OCM: variants seen among roughly 807,000 people sequenced by gnomAD.
OCM encodes the protein oncomodulin-1.
Under a neutral mutation model 14.1 loss-of-function variants are expected in OCM, and 18 were observed. The observed-to-expected ratio is 1.28, with a 90% CI of 0.88 to 1.89. OCM has a LOEUF of 1.89. OCM is among the 40% of genes most tolerant of loss of function. The pLI is 0.00. For synonymous variants in OCM, 48 were observed against 51.0 expected, an observed-to-expected ratio of 0.94 and a Z score of 0.25; for missense variants, 140 against 137.6, an observed-to-expected ratio of 1.02 and a Z score of -0.09.
upstream of OCM, among the ~76,000 whole-genome samples, chr7:5,876,500 G>A (rs192567279): frequency 1.8e-3 from 274 of 152,258 alleles, 1 homozygote; most frequent in African/African-American, 5.4e-3. Context: ...GTTGGGAATC[G>A]TATTTTCAAC....
At chr7:5,876,717 A>T (rs1781102833), upstream of OCM, among the ~76,000 whole-genome samples, 1 of 152,014 alleles carries the variant, frequency 6.6e-6, no homozygotes, top group South Asian at 2.1e-4. Flanking sequence ...CTGGTAGGAG[A>T]ATATATTTGG....
chr7:5,867,151 T>TA, the OCM span, among the ~76,000 whole-genome samples: 35 of 152,158 alleles, frequency 2.3e-4, no homozygotes, highest in Non-Finnish European at 4.7e-4. Context: ...TGCAGTTCTT[T>TA]AAAAAAAATT....
At chr7:5,882,715 T>C in intron 2 of OCM, 90 bp downstream of exon 2, 2 of 1,471,680 alleles carry the variant, frequency 1.4e-6, no homozygotes, top group East Asian at 4.6e-5. Flanking sequence ...ATTTCTTCAA[T>C]GGCCAGCCTT....
At chr7:5,860,817 CAT>C in the OCM span, among the ~76,000 whole-genome samples, 360 of 146,034 alleles carry the variant, frequency 2.5e-3, 15 homozygotes, top group African/African-American at 8.5e-3. Flanking sequence ...TACACACATA[CAT>C]ATATATACAC....
At chr7:5,883,696 C>CAAAG (rs386409435) in intron 2 of OCM, among the ~76,000 whole-genome samples, 194 bp from the exon 3 acceptor site, 1 of 151,332 alleles carries the variant, frequency 6.6e-6, no homozygotes, top group African/African-American at 2.4e-5. Flanking sequence ...CAAAAACAAA[C>CAAAG]AAACAAACAA....
chr7:5,861,705 A>G, the OCM span, among the ~76,000 whole-genome samples: 7 of 152,000 alleles, frequency 4.6e-5, no homozygotes, highest in Non-Finnish European at 8.8e-5. Context: ...ATTAATGTGT[A>G]TTGGCATCTC....
intron 2 of OCM, among the ~76,000 whole-genome samples, chr7:5,883,341 A>T (rs1197898660): frequency 6.6e-6 from 1 of 151,866 alleles, no homozygotes; most frequent in African/African-American, 2.4e-5. Context: ...ACAGAGAGAG[A>T]CTCTGTCTCA....
chr7:5,871,669 C>G, the OCM span: 1 of 152,150 alleles, frequency 6.6e-6, no homozygotes, highest in African/African-American at 2.4e-5. Flanking sequence ...AGCCTGCACA[C>G]TTGATTGCAT....
intron 1 of OCM, 68 bp downstream of exon 1, chr7:5,881,018 A>G (rs1781204570): frequency 6.5e-7 from 1 of 1,528,060 alleles, no homozygotes; most frequent in Non-Finnish European, 9.1e-7. Flanking sequence ...TCAACACAAA[A>G]TCAAAATGTA....
the OCM span, among the ~76,000 whole-genome samples, chr7:5,863,749 G>C: frequency 6.6e-6 from 1 of 151,978 alleles, no homozygotes; most frequent in Non-Finnish European, 1.5e-5. Context: ...GGCCATGCTG[G>C]TCTCAAACTC....
the OCM span, among the ~76,000 whole-genome samples, chr7:5,869,863 T>C: frequency 6.3e-4 from 96 of 152,178 alleles, no homozygotes; most frequent in African/African-American, 2.3e-3. Flanking sequence ...ATACCCTTGC[T>C]CCCGCCCCTG....
the OCM span, among the ~76,000 whole-genome samples, chr7:5,869,817 A>C: frequency 6.6e-6 from 1 of 152,022 alleles, no homozygotes; most frequent in African/African-American, 2.4e-5. Flanking sequence ...GGAAGCACTC[A>C]ACTTGCCGGG....
At chr7:5,873,312 G>C in the OCM span, among the ~76,000 whole-genome samples, 1 of 152,198 alleles carries the variant, frequency 6.6e-6, no homozygotes, top group Non-Finnish European at 1.5e-5. Flanking sequence ...GGGAGGTAGA[G>C]GTCGCAGTGA....
the OCM span, among the ~76,000 whole-genome samples, chr7:5,871,368 AAAATT>A: frequency 7.3e-5 from 11 of 151,608 alleles, no homozygotes; most frequent in Non-Finnish European, 1.3e-4. Context: ...AAAAAAAAAA[AAAATT>A]AAAGAGGTAG....
the OCM span, among the ~76,000 whole-genome samples, chr7:5,860,451 ATG>A: frequency 1.5e-5 from 2 of 137,504 alleles, no homozygotes; most frequent in Admixed American, 7.4e-5. Context: ...ATATACGTGT[ATG>A]TATATTATTA....
rs865871307 is a variant in OCM, at chr7:5,882,860, T to G, written c.194+235T>G. On this transcript the variant is annotated intron_variant, in intron 2 of 3. Coordinates refer to ENST00000242104, the MANE Select transcript of OCM (RefSeq NM_001097622.2). ...AGATTCTTTTTTTTTTTTTTTTTTT[T>G]GAGACAGGGCCTCACTCTGTTGCCC... is the stretch of plus-strand genomic sequence containing the variant. Among the ~76,000 whole-genome samples, 644 of 94,838 alleles carry G rather than the reference T, an allele frequency of 6.8e-3. 8 individuals carry two copies. Among genetic ancestry groups the G allele is most frequent in the African/African-American group, 0.025 (617 of 25,016 alleles). 62.2% of individuals were successfully genotyped at this position (94,838 alleles called of 152,430 possible). A position where few individuals can be genotyped will look rare whatever the true frequency, so the allele number is the denominator to read the frequency against.
chr7:5,875,293 G>A (rs1781074127), upstream of OCM, among the ~76,000 whole-genome samples: 1 of 151,954 alleles, frequency 6.6e-6, no homozygotes, highest in South Asian at 2.1e-4. Context: ...CGGACCTCAG[G>A]TGATCTGCCC....
the OCM span, among the ~76,000 whole-genome samples, chr7:5,863,869 T>C: frequency 1.8e-4 from 27 of 151,272 alleles, no homozygotes; most frequent in African/African-American, 6.6e-4. Flanking sequence ...GAAGGCAGAG[T>C]GAGTGGATGC....
the OCM span, among the ~76,000 whole-genome samples, chr7:5,865,903 A>T: frequency 6.6e-6 from 1 of 152,192 alleles, no homozygotes; most frequent in Admixed American, 6.5e-5. Flanking sequence ...TAGGTCAAAT[A>T]TGCCGCACTC....
Sources: gnomAD v4.1 joint callset for allele counts (sites outside exome capture counted in the v4.1 genomes callset) on GRCh38, gnomAD v4.1.1 for gene constraint, MANE v1.5 for transcripts, NCBI Gene and HGNC (gene_info 2026-07-23, HGNC 2026-07-21) for gene names.